Variants in MYO9A observed in about 807,000 individuals in gnomAD.
MYO9A encodes the protein myosin IXA.
In MYO9A, 103 loss-of-function variants were observed where a neutral mutation model predicts 293.3. The ratio of observed to expected loss-of-function variants is 0.35; its 90% CI spans 0.30 to 0.41. The LOEUF (loss-of-function observed/expected upper bound fraction) is 0.41, where lower values mean the gene tolerates loss of function less well. Ranked by LOEUF, MYO9A falls within the 10% of genes least tolerant of loss-of-function variation. The probability of loss-of-function intolerance (pLI) is 1.00; values close to 1 mark genes in which losing one functional copy is unlikely to be tolerated. For synonymous variants in MYO9A, 1,001 were observed against 1,035.7 expected, an observed-to-expected ratio of 0.97 and a Z score of 0.64; for missense variants, 2,685 against 3,033.0, an observed-to-expected ratio of 0.89 and a Z score of 2.69.
At chr15:71,987,624 C>A (rs1467753000) in intron 11 of MYO9A, among the ~76,000 whole-genome samples, 1 of 152,132 alleles carries the variant, frequency 6.6e-6, no homozygotes, top group African/African-American at 2.4e-5. Flanking sequence ...GCATTTACAT[C>A]CTGCATGGCA....
rs1491070870 is a variant in MYO9A at position 71,951,914 on chromosome 15, AAC to A, written c.2183-20_2183-19del. Reference sequence around the variant, plus strand: ...ATCATGTCCTTAGGAAGCAAAAAAAAACAAACAAAAAAAAAAGGAGAAAAGAA... The same window carrying A: ...ATCATGTCCTTAGGAAGCAAAAAAAAAAACAAAAAAAAAAGGAGAAAAGAA... On this transcript the variant is annotated intron_variant, in intron 14 of 41. Transcript: ENST00000356056. 4 of 1,566,700 alleles carry A rather than the reference AAC, an allele frequency of 2.6e-6. No individual in the cohort carries two copies. Among genetic ancestry groups the A allele is most frequent in the Non-Finnish European group, 2.6e-6 (3 of 1,165,472 alleles).
intron 3 of MYO9A, among the ~76,000 whole-genome samples, chr15:72,029,668 C>T (rs761040803): frequency 9.2e-5 from 14 of 152,138 alleles, no homozygotes; most frequent in African/African-American, 2.9e-4. Flanking sequence ...GCCAGAAGAA[C>T]GAACTTTATC....
intron 3 of MYO9A, among the ~76,000 whole-genome samples, chr15:72,029,009 G>T (rs1311268214): frequency 6.6e-6 from 1 of 152,114 alleles, no homozygotes; most frequent in Non-Finnish European, 1.5e-5. Flanking sequence ...GCAATGACCA[G>T]GATATTATGC....
chr15:71,995,513 T>C (rs1244903113), intron 9 of MYO9A, among the ~76,000 whole-genome samples: 6 of 151,698 alleles, frequency 4.0e-5, no homozygotes, highest in African/African-American at 1.5e-4. Context: ...AAGTCTGAAA[T>C]TGTTCTTAAA....
At chr15:72,098,918 A>C (rs1422532892) in intron 1 of MYO9A, among the ~76,000 whole-genome samples, 1 of 152,124 alleles carries the variant, frequency 6.6e-6, no homozygotes, top group Non-Finnish European at 1.5e-5. Context: ...CAAAATAGTA[A>C]AGGCCATCAA....
intron 15 of MYO9A, among the ~76,000 whole-genome samples, chr15:71,944,635 C>A (rs1441843073): frequency 6.6e-6 from 1 of 152,070 alleles, no homozygotes; most frequent in African/African-American, 2.4e-5. Context: ...TATCTTGGTG[C>A]CTTAACAGAA....
At chr15:72,078,956 G>C (rs953788254) in intron 1 of MYO9A, among the ~76,000 whole-genome samples, 14 of 152,210 alleles carry the variant, frequency 9.2e-5, no homozygotes, top group African/African-American at 2.7e-4. Flanking sequence ...TGGTTGAAAA[G>C]CGTTGTGGGA....
chr15:71,937,501 G>C (rs765286627), intron 16 of MYO9A, among the ~76,000 whole-genome samples: 54 of 152,054 alleles, frequency 3.6e-4, no homozygotes, highest in Non-Finnish European at 6.3e-4. Flanking sequence ...TAGCAACAAA[G>C]TATTTTTTAA....
At chr15:72,115,498 T>C (rs1296972852) in intron 1 of MYO9A, among the ~76,000 whole-genome samples, 1 of 152,194 alleles carries the variant, frequency 6.6e-6, no homozygotes, top group African/African-American at 2.4e-5. Context: ...TGTATGCAAC[T>C]TCTCCCCAAC....
chr15:72,090,392 A>G (rs2079868965), intron 1 of MYO9A, among the ~76,000 whole-genome samples: 1 of 152,196 alleles, frequency 6.6e-6, no homozygotes, highest in Non-Finnish European at 1.5e-5. Flanking sequence ...TTTATTAGAA[A>G]CTACTGATAT....
Position 71,991,209 on chromosome 15 carries a change from A to T in MYO9A, c.1616T>A (p.Phe539Tyr), listed in dbSNP as rs944804205. Residue 539 changes from phenylalanine to tyrosine, a missense_variant, in exon 11 of 42, where the codon TTT (phenylalanine) becomes TAT (tyrosine). Coordinates refer to ENST00000356056, the MANE Select transcript of MYO9A (RefSeq NM_006901.4). ...GTTATTTTCATAATCTTCAAACCCA[A>T]AAATATCAAGAACACCAATAGACAA... ...KTLSIGVLDI[F>Y]GFEDYENNSF... 6.2e-7 allele frequency: 1 copy of T among 1,605,668 alleles called. No individual in the cohort carries two copies. Among genetic ancestry groups the T allele is most frequent in the Non-Finnish European group, 8.5e-7 (1 of 1,175,944 alleles).
At chr15:71,958,889 G>T (rs1381368357) in intron 14 of MYO9A, 8 of 152,116 alleles carry the variant, frequency 5.3e-5, no homozygotes, top group Admixed American at 4.6e-4. Context: ...AAATGCCAAA[G>T]GAATATACAG....
chr15:72,085,920 TC>T (rs1305761995), intron 1 of MYO9A, among the ~76,000 whole-genome samples: 3 of 152,170 alleles, frequency 2.0e-5, no homozygotes, highest in South Asian at 4.1e-4. Flanking sequence ...AGCTCCTAAC[TC>T]CCAGATTACA....
intron 30 of MYO9A, among the ~76,000 whole-genome samples, chr15:71,878,734 T>G (rs537424358): frequency 1.4e-5 from 2 of 145,052 alleles, no homozygotes; most frequent in East Asian, 2.1e-4. Context: ...TTAAATGAGA[T>G]CTGGAATTTT....
At chr15:72,103,249 G>A (rs1567043950) in intron 1 of MYO9A, among the ~76,000 whole-genome samples, 2 of 150,158 alleles carry the variant, frequency 1.3e-5, no homozygotes, top group Admixed American at 6.6e-5. Context: ...AGCAGCAGCA[G>A]CAGAAGGAGA....
In MYO9A at chr15:71,975,498, G is replaced by A. The variant is rs117765531; in HGVS notation, c.1844+2673C>T. Among the ~76,000 whole-genome samples, 1,078 of 150,972 alleles carry A rather than the reference G, an allele frequency of 7.1e-3. 8 individuals are homozygous for A. Among genetic ancestry groups the A allele is most frequent in the Non-Finnish European group, 9.6e-3 (653 of 67,818 alleles). Reference sequence around the variant, plus strand: ...TGGTGTAGTCTTTTGTTATAATGTTGGGGTGCTTTAGGTCTCAGGAGCAGG... The same window carrying A: ...TGGTGTAGTCTTTTGTTATAATGTTAGGGTGCTTTAGGTCTCAGGAGCAGG... On this transcript the variant is annotated intron_variant, in intron 12 of 41. Transcript: ENST00000356056.
chr15:71,999,217 C>T (rs2076794024), intron 9 of MYO9A: 1 of 152,006 alleles, frequency 6.6e-6, no homozygotes, highest in South Asian at 2.1e-4. Flanking sequence ...CTTGACATCA[C>T]TTTCATAAAA....
intron 1 of MYO9A, among the ~76,000 whole-genome samples, chr15:72,081,559 CTT>C (rs984649162): frequency 4.6e-5 from 7 of 152,204 alleles, no homozygotes; most frequent in Admixed American, 6.5e-5. Flanking sequence ...ACTCTAAGCT[CTT>C]TGTCAATTTT....
chr15:71,873,660 T>C (rs1383123565), intron 32 of MYO9A, among the ~76,000 whole-genome samples: 1 of 152,244 alleles, frequency 6.6e-6, no homozygotes, highest in Non-Finnish European at 1.5e-5. Flanking sequence ...TCACTGTTAC[T>C]TCACTTTAAT....
Sources: allele counts gnomAD v4.1 joint callset (sites outside exome capture counted in the v4.1 genomes callset), GRCh38; gene constraint gnomAD v4.1.1; transcripts MANE v1.5; gene names NCBI Gene and HGNC (gene_info 2026-07-23, HGNC 2026-07-21).